TMTC2: variants seen among roughly 807,000 people sequenced by gnomAD.
The protein encoded by TMTC2 is transmembrane O-mannosyltransferase targeting cadherins 2, also known as protein O-mannosyl-transferase TMTC2.
Under a neutral mutation model 82.4 loss-of-function variants are expected in TMTC2, and 43 were observed. The observed-to-expected ratio is 0.52, with a 90% CI of 0.41 to 0.67. The LOEUF is 0.67. Ranked by LOEUF, TMTC2 falls within the 30% of genes least tolerant of loss-of-function variation. TMTC2 has a pLI of 0.00. For missense variants in TMTC2, 919 were observed against 1,012.4 expected (o/e 0.91, Z 1.25); for synonymous variants, 408 against 381.9 (o/e 1.07, Z -0.80).
intron 1 of TMTC2, among the ~76,000 whole-genome samples, chr12:82,843,362 C>T (rs977373899): frequency 5.9e-5 from 9 of 151,970 alleles, no homozygotes. Flanking sequence ...GCTGGGATTA[C>T]AGGCGTGAGC....
At chr12:82,756,296 T>A (rs1013391012) in intron 1 of TMTC2, among the ~76,000 whole-genome samples, 4 of 152,230 alleles carry the variant, frequency 2.6e-5, no homozygotes, top group African/African-American at 9.6e-5. Flanking sequence ...TCCATGTATA[T>A]GAAACACCTC....
intron 1 of TMTC2, among the ~76,000 whole-genome samples, chr12:82,698,903 G>T (rs1872942439): frequency 2.0e-5 from 3 of 152,118 alleles, no homozygotes. Context: ...ACCAAAGGAT[G>T]ATTCACATCC....
At chr12:82,987,420 A>C (rs1175247551) in intron 8 of TMTC2, among the ~76,000 whole-genome samples, 1 of 138,568 alleles carries the variant, frequency 7.2e-6, no homozygotes, top group Non-Finnish European at 1.5e-5. Context: ...ACTCCATCTC[A>C]AAAAAAAAAA....
At chr12:83,071,841 C>T (rs1205877318) in intron 11 of TMTC2, among the ~76,000 whole-genome samples, 2 of 151,920 alleles carry the variant, frequency 1.3e-5, no homozygotes, top group African/African-American at 4.8e-5. Context: ...TCGGTGGTGT[C>T]AGTTGTAATA....
intron 1 of TMTC2, among the ~76,000 whole-genome samples, chr12:82,753,447 A>T (rs1385715927): frequency 6.6e-6 from 1 of 151,550 alleles, no homozygotes; most frequent in Non-Finnish European, 1.5e-5. Context: ...CTAAATTTTA[A>T]AAGTAAATAT....
At chr12:82,889,947 G>A (rs898269561) in intron 2 of TMTC2, among the ~76,000 whole-genome samples, 1 of 138,990 alleles carries the variant, frequency 7.2e-6, no homozygotes, top group East Asian at 2.1e-4. Flanking sequence ...TTAGATCTTA[G>A]AGGTTTTGTT....
At chr12:82,913,658 C>G (rs1874830902) in intron 3 of TMTC2, among the ~76,000 whole-genome samples, 1 of 152,082 alleles carries the variant, frequency 6.6e-6, no homozygotes. Flanking sequence ...TTACTTAACC[C>G]TCTGGGTACT....
At chr12:83,023,997 G>A (rs1881051814) in intron 8 of TMTC2, among the ~76,000 whole-genome samples, 2 of 152,122 alleles carry the variant, frequency 1.3e-5, no homozygotes, top group South Asian at 2.1e-4. Context: ...GCTTTATTCT[G>A]TCATTTCTAT....
intron 2 of TMTC2, among the ~76,000 whole-genome samples, chr12:82,864,897 C>G (rs969100021): frequency 1.3e-5 from 2 of 150,960 alleles, no homozygotes; most frequent in Non-Finnish European, 2.9e-5. Context: ...TTCTACAGTC[C>G]TCATAAGAAA....
chr12:83,118,612 G>A (rs150125912), intron 11 of TMTC2, among the ~76,000 whole-genome samples: 19 of 152,260 alleles, frequency 1.2e-4, no homozygotes, highest in African/African-American at 4.6e-4. Context: ...TGTTCATCAG[G>A]GATATCAGTC....
At chr12:82,985,836 A>G in intron 7 of TMTC2, 89 bp from the exon 8 acceptor site, 1 of 1,471,672 alleles carries the variant, frequency 6.8e-7, no homozygotes, top group Non-Finnish European at 9.2e-7. Flanking sequence ...AATTCCACGC[A>G]GTATGATGAT....
At chr12:82,912,743 G>A (rs540044094) in intron 3 of TMTC2, among the ~76,000 whole-genome samples, 2 of 151,472 alleles carry the variant, frequency 1.3e-5, no homozygotes, top group Non-Finnish European at 2.9e-5. Flanking sequence ...TTTGAGACCT[G>A]CCTGGGCAAC....
chr12:83,033,880 A>ATG (rs1555207148), intron 9 of TMTC2, among the ~76,000 whole-genome samples: 4 of 121,614 alleles, frequency 3.3e-5, no homozygotes, highest in East Asian at 3.8e-4. Flanking sequence ...ATATATATAT[A>ATG]TGTGTGTGTA....
intron 8 of TMTC2, among the ~76,000 whole-genome samples, chr12:83,004,841 G>A (rs938096316): frequency 4.7e-4 from 69 of 147,242 alleles, no homozygotes; most frequent in African/African-American, 1.5e-3. Flanking sequence ...TGGCAGGCGC[G>A]AAGCAGGGAG....
chr12:82,850,748 T>C (rs1870930868), intron 1 of TMTC2, among the ~76,000 whole-genome samples: 1 of 151,900 alleles, frequency 6.6e-6, no homozygotes, highest in African/African-American at 2.4e-5. Context: ...TCCACTGATT[T>C]TGGAATGCTA....
intron 4 of TMTC2, among the ~76,000 whole-genome samples, chr12:82,957,180 C>A (rs1877660943): frequency 6.6e-6 from 1 of 152,120 alleles, no homozygotes; most frequent in Admixed American, 6.6e-5. Flanking sequence ...TCATACCACC[C>A]ACACTCTTGG....
rs939854535 is a variant in TMTC2 at position 83,065,604 on chromosome 12, G to A, written c.2331+3773G>A. Among the ~76,000 whole-genome samples, 9 of 151,800 alleles carry A rather than the reference G, an allele frequency of 5.9e-5. No homozygotes were observed. The South Asian group carries it at 6.2e-4, about 11-fold the overall frequency. ...TTCTATAATAGGAAAACTCCTTACC[G>A]AAATTGCCATTTTAAGTTTTTTTAG... On this transcript the variant is annotated intron_variant, in intron 11 of 11. Transcript: ENST00000321196.
intron 1 of TMTC2, among the ~76,000 whole-genome samples, chr12:82,692,379 C>T (rs912498487): frequency 6.6e-6 from 1 of 152,200 alleles, no homozygotes; most frequent in African/African-American, 2.4e-5. Flanking sequence ...TGCATTCCAG[C>T]ATGCATTAGG....
intron 11 of TMTC2, among the ~76,000 whole-genome samples, chr12:83,122,652 T>C (rs1012872346): frequency 6.6e-6 from 1 of 152,212 alleles, no homozygotes; most frequent in Admixed American, 6.5e-5. Flanking sequence ...TTCCACAGTT[T>C]GGGCACTCAC....
Sources: gnomAD v4.1 joint callset for allele counts (sites outside exome capture counted in the v4.1 genomes callset) on GRCh38, gnomAD v4.1.1 for gene constraint, MANE v1.5 for transcripts, NCBI Gene and HGNC (gene_info 2026-07-23, HGNC 2026-07-21) for gene names.